Variants in XRN2 observed in about 807,000 individuals in gnomAD.
XRN2 encodes the protein 5'-3' exoribonuclease 2, also known as DHM1-like protein.
Under a neutral mutation model 138.5 loss-of-function variants are expected in XRN2, and 44 were observed. The ratio of observed to expected loss-of-function variants is 0.32; its 90% CI spans 0.25 to 0.41. XRN2 has a LOEUF of 0.41. Ranked by LOEUF, XRN2 falls within the 10% of genes least tolerant of loss-of-function variation. The probability of loss-of-function intolerance (pLI) is 1.00; values close to 1 mark genes in which losing one functional copy is unlikely to be tolerated. For synonymous variants in XRN2, 354 were observed against 369.4 expected (o/e 0.96, Z 0.48); for missense variants, 937 against 1,169.3 (o/e 0.80, Z 2.90).
chr20:21,385,224 C>T (rs1356861667), intron 28 of XRN2, among the ~76,000 whole-genome samples: 1 of 152,122 alleles, frequency 6.6e-6, no homozygotes, highest in Non-Finnish European at 1.5e-5. Context: ...TTGTAAGACT[C>T]AAAAGAAAAA....
intron 27 of XRN2, among the ~76,000 whole-genome samples, chr20:21,378,269 C>T (rs558738809): frequency 6.6e-6 from 1 of 152,140 alleles, no homozygotes; most frequent in African/African-American, 2.4e-5. Context: ...AGTTGTTAAA[C>T]CCCCCATCCA....
At chr20:21,356,037 C>A (rs2038571954) in intron 21 of XRN2, 43 bp from the exon 22 acceptor site, 1 of 1,523,144 alleles carries the variant, frequency 6.6e-7, no homozygotes, top group Non-Finnish European at 8.9e-7. Context: ...CTTGCAGGTA[C>A]AATTTTTTTA....
chr20:21,348,441 G>A lies in XRN2; in HGVS notation c.1863+11G>A, dbSNP rs1190779241. The A allele has an allele frequency of 6.2e-7, 1 of 1,609,686 alleles. No homozygotes were observed. Among genetic ancestry groups the A allele is most frequent in the Non-Finnish European group, 8.5e-7 (1 of 1,177,678 alleles). On this transcript the variant is annotated intron_variant, in intron 19 of 29. Transcript: ENST00000377191. ...CTCATGAGTGATCCTGTGAGTCTCA[G>A]TATTTTGAGTGTGTGGGTGACAGGA... is the stretch of plus-strand genomic sequence containing the variant.
At chr20:21,328,756 G>C in intron 4 of XRN2, 86 bp downstream of exon 4, 1 of 1,195,770 alleles carries the variant, frequency 8.4e-7, no homozygotes, top group Non-Finnish European at 1.2e-6. Context: ...TTACAAAGAG[G>C]CAAGCTTTTA....
chr20:21,356,729 T>C (rs1274051129), intron 23 of XRN2, 64 bp downstream of exon 23: 11 of 1,373,698 alleles, frequency 8.0e-6, no homozygotes, highest in South Asian at 5.1e-5. Flanking sequence ...TTTTTTTCCT[T>C]GTTGTCTAAA....
At chr20:21,381,713 TACACACACACAC>T (rs10523116) in intron 27 of XRN2, among the ~76,000 whole-genome samples, 8 of 150,128 alleles carry the variant, frequency 5.3e-5, no homozygotes, top group Non-Finnish European at 7.4e-5. Flanking sequence ...TACACACACA[TACACACACACAC>T]ACACACACAC....
intron 1 of XRN2, among the ~76,000 whole-genome samples, chr20:21,307,711 C>T (rs2037824041): frequency 1.3e-5 from 1 of 76,010 alleles, no homozygotes; most frequent in African/African-American, 3.6e-5. Context: ...CTAAAACATT[C>T]CTTCTGCCCT....
At chr20:21,352,473 C>T (rs561403584) in intron 20 of XRN2, among the ~76,000 whole-genome samples, 1 of 152,062 alleles carries the variant, frequency 6.6e-6, no homozygotes, top group East Asian at 1.9e-4. Flanking sequence ...GGATTACCGC[C>T]GTGTGCCACC....
At chr20:21,373,012 C>CT (rs11479394) in intron 27 of XRN2, among the ~76,000 whole-genome samples, 14 of 151,366 alleles carry the variant, frequency 9.2e-5, no homozygotes, top group Admixed American at 2.0e-4. Flanking sequence ...TTTTCTTTTT[C>CT]TTTTTTTTTG....
At chr20:21,335,528 G>A (rs555433168) in intron 13 of XRN2, among the ~76,000 whole-genome samples, 1 of 152,290 alleles carries the variant, frequency 6.6e-6, no homozygotes, top group South Asian at 2.1e-4. Flanking sequence ...TTGACTGTAA[G>A]CATTCTTTCC....
In XRN2 at chr20:21,308,017, A is replaced by G. The variant is rs1467872282; in HGVS notation, c.75+4544A>G. ...AGTGGTGCGATCTCGGCTCACTGCA[A>G]CCTCCACCTTCTGGGTTCAAGCAAT... On this transcript the variant is annotated intron_variant, in intron 1 of 29. Coordinates refer to ENST00000377191, the MANE Select transcript of XRN2 (RefSeq NM_012255.5). 5.4e-5 allele frequency among the ~76,000 whole-genome samples: 4 copies of G among 74,376 alleles called. 2 individuals carry two copies. Among genetic ancestry groups the G allele is most frequent in the African/African-American group, 1.5e-4 (4 of 27,098 alleles). 48.8% of individuals were successfully genotyped at this position (74,376 alleles called of 152,430 possible). A position where few individuals can be genotyped will look rare whatever the true frequency, so the allele number is the denominator to read the frequency against.
Position 21,348,230 on chromosome 20 carries a change from GA to G in XRN2, c.1751del (p.Asp584ValfsTer12), listed in dbSNP as rs762158835. The G allele has an allele frequency of 1.9e-6, 3 of 1,614,002 alleles. No homozygotes were observed. The highest frequency in any genetic ancestry group is 8.5e-7 in the Non-Finnish European group (1 of 1,179,970). ...DFEGIADMPSDFEKGTKPFKP... is the reference protein window; with the variant it reads ...DFEGIADMPSXFEKGTKPFKP... Reference sequence around the variant, plus strand: ...TGAAGGCATTGCAGACATGCCATCTGATTTTGAGAAGGGTACGAAACCGGTA... The same window carrying G: ...TGAAGGCATTGCAGACATGCCATCTGTTTTGAGAAGGGTACGAAACCGGTA... On this transcript the variant is annotated frameshift_variant, in exon 18 of 30. Transcript: ENST00000377191. LOFTEE classifies it high-confidence loss of function.
chr20:21,374,146 TAGA>T (rs1161544568), intron 27 of XRN2, among the ~76,000 whole-genome samples: 2 of 152,250 alleles, frequency 1.3e-5, no homozygotes, highest in Non-Finnish European at 2.9e-5. Context: ...TGTTTATATG[TAGA>T]AATAAAGTTG....
chr20:21,348,128 CT>C lies in XRN2; in HGVS notation c.1666-12del. 2 of 1,574,200 alleles carry C rather than the reference CT, an allele frequency of 1.3e-6. No individual in the cohort carries two copies. The highest frequency in any genetic ancestry group is 2.1e-5 in the Admixed American group (1 of 48,224). Reference sequence around the variant, plus strand: ...ACATAGGTTTTTGATTTTGTTGTTACTTTTTTAATGATTCTAGGGCTGTGCT... The same window carrying C: ...ACATAGGTTTTTGATTTTGTTGTTACTTTTTAATGATTCTAGGGCTGTGCT... On this transcript the variant is annotated splice_polypyrimidine_tract_variant and intron_variant, in intron 17 of 29. Transcript: ENST00000377191.
intron 1 of XRN2, chr20:21,303,723 G>A: frequency 1.6e-6 from 2 of 1,238,168 alleles, no homozygotes; most frequent in Non-Finnish European, 2.0e-6. Context: ...CAGGAGGGTC[G>A]CTCCTCCCCT....
At position 21,386,792 on chromosome 20, in the gene XRN2, A is replaced by G. The variant is rs1188609510; in HGVS notation, c.2649-76A>G. ...AATTGGATTGTACTAAAATTTGGAG[A>G]TGATACCTGCCGATTTTAGGCTTTG... On this transcript the variant is annotated intron_variant, in intron 28 of 29. Transcript: ENST00000377191. 8.5e-6 allele frequency: 13 copies of G among 1,531,066 alleles called. No individual in the cohort carries two copies. In the East Asian group the frequency reaches 3.0e-4, roughly 35 times the overall value. The allele number at this position is 1,531,066 out of a possible 1,614,324, so 94.8% of individuals were successfully genotyped here. A position where few individuals can be genotyped will look rare whatever the true frequency, so the allele number is the denominator to read the frequency against.
chr20:21,340,865 C>A lies in XRN2; in HGVS notation c.1410+13C>A, dbSNP rs2038363328. 1 of 1,613,428 alleles carries A rather than the reference C, an allele frequency of 6.2e-7. No individual in the cohort carries two copies. Among genetic ancestry groups the A allele is most frequent in the Non-Finnish European group, 8.5e-7 (1 of 1,179,570 alleles). ...GCAGAATAACTCTGTAAGTGGCTTA[C>A]TTTTATGTGACATTTAAGAGTGGTG... On this transcript the variant is annotated intron_variant, in intron 15 of 29. Coordinates refer to ENST00000377191, the MANE Select transcript of XRN2 (RefSeq NM_012255.5).
chr20:21,340,830 A>G lies in XRN2; in HGVS notation c.1388A>G (p.Glu463Gly). Residue 463 changes from glutamate to glycine, a missense_variant, in exon 15 of 30, where the codon GAA (glutamate) becomes GGA (glycine). Glu to Gly is a moderately conservative substitution (Grantham distance 98). This residue lies in a region of XRN2 where 471 missense variants were observed against 581.2 expected (regional missense o/e 0.81). Coordinates refer to ENST00000377191, the MANE Select transcript of XRN2 (RefSeq NM_012255.5). ...AGTAATCCGAGACAAGCAGCCTATG[A>G]AATGAGGATGCAGAATAACTCTGTA... is the stretch of plus-strand genomic sequence containing the variant. ...VASNPRQAAYEMRMQNNSSPS... is the reference protein window; with the variant it reads ...VASNPRQAAYGMRMQNNSSPS... 6.2e-7 allele frequency: 1 copy of G among 1,613,974 alleles called. No individual in the cohort carries two copies.
chr20:21,348,507 G>A, intron 19 of XRN2, 77 bp downstream of exon 19: 1 of 1,310,212 alleles, frequency 7.6e-7, no homozygotes, highest in South Asian at 1.3e-5. Context: ...AATTGCTTTT[G>A]CAGCTGATAG....
Sources: gnomAD v4.1 joint callset for allele counts (sites outside exome capture counted in the v4.1 genomes callset) on GRCh38, gnomAD v4.1.1 for gene constraint, gnomAD v4.1.1 regional missense constraint, MANE v1.5 for transcripts, NCBI Gene and HGNC (gene_info 2026-07-23, HGNC 2026-07-21) for gene names.